CABP2: variants seen among roughly 807,000 people sequenced by gnomAD.
The protein encoded by CABP2 is calcium-binding protein 2.
In CABP2, 25 loss-of-function variants were observed where a neutral mutation model predicts 28.6. That is an observed-to-expected ratio of 0.87 (90% CI 0.64 to 1.22). The LOEUF is 1.22. Among genes scored for constraint, CABP2 ranks in the 50% most tolerant of loss-of-function variants. The pLI, the probability that CABP2 is intolerant of heterozygous loss-of-function variation, is 0.00. For synonymous variants in CABP2, 138 were observed against 126.0 expected, an observed-to-expected ratio of 1.09 and a Z score of -0.64; for missense variants, 310 against 312.2, an observed-to-expected ratio of 0.99 and a Z score of 0.05.
In CABP2 at chr11:67,523,409, C is replaced by T. The variant is rs1178541507; in HGVS notation, c.-83G>A. The T allele has an allele frequency of 1.8e-5, 26 of 1,451,360 alleles. No homozygotes were observed. The highest frequency in any genetic ancestry group is 9.1e-7 in the Non-Finnish European group (1 of 1,096,402). The allele number at this position is 1,451,360 out of a possible 1,614,324, so 89.9% of individuals were successfully genotyped here. On this transcript the variant is annotated 5_prime_UTR_variant, in exon 1 of 7. Coordinates refer to ENST00000294288, the MANE Select transcript of CABP2 (RefSeq NM_016366.3). ...GATGCTGCTGCCTGAGGACTCCTGC[C>T]AGCCCCCAGCTGCTCCCGATGAGAG...
In CABP2 at chr11:67,523,185, C is replaced by T. The variant is rs1026786602; in HGVS notation, c.42+100G>A. On this transcript the variant is annotated intron_variant, in intron 1 of 6. Transcript: ENST00000294288. Reference sequence around the variant, plus strand: ...TCTCCACCTGGGGCAGTGGGCAGCCCCCAACCCCGCCCGGCCCTCGGAGGG... The same window carrying T: ...TCTCCACCTGGGGCAGTGGGCAGCCTCCAACCCCGCCCGGCCCTCGGAGGG... 5 of 972,808 alleles carry T rather than the reference C, an allele frequency of 5.1e-6. No homozygotes were observed. The African/African-American group carries it at 6.7e-5, about 13-fold the overall frequency. The allele number at this position is 972,808 out of a possible 1,614,324, so 60.3% of individuals were successfully genotyped here.
At position 67,519,946 on chromosome 11, in the gene CABP2, G is replaced by C; in HGVS notation, c.490-6C>G. 1.2e-6 allele frequency: 2 copies of C among 1,604,310 alleles called. No individual in the cohort carries two copies. The highest frequency in any genetic ancestry group is 1.7e-6 in the Non-Finnish European group (2 of 1,177,106). ...CCGTCCCCATTGGTGTCGAACTGTG[G>C]CGGCGTTGGTTGTGGCGTCTGGTCA... On this transcript the variant is annotated splice_polypyrimidine_tract_variant and splice_region_variant and intron_variant, in intron 5 of 6. Coordinates refer to ENST00000294288, the MANE Select transcript of CABP2 (RefSeq NM_016366.3).
In CABP2 at chr11:67,519,138, C is replaced by T. The variant is rs745492161; in HGVS notation, c.*1G>A. 1 of 1,613,794 alleles carries T rather than the reference C, an allele frequency of 6.2e-7. No homozygotes were observed. The highest frequency in any genetic ancestry group is 8.5e-7 in the Non-Finnish European group (1 of 1,179,924). On this transcript the variant is annotated 3_prime_UTR_variant, in exon 7 of 7. Coordinates refer to ENST00000294288, the MANE Select transcript of CABP2 (RefSeq NM_016366.3). The stretch of plus-strand genomic sequence containing the variant: ...ATGCTGCCTCCAGCTTCTGTACAGG[C>T]TCACCGAGACATCATTCGCACAAAC...
chr11:67,520,264 C>T (rs1369785095), intron 4 of CABP2, 104 bp from the exon 5 acceptor site: 5 of 704,030 alleles, frequency 7.1e-6, no homozygotes, highest in Non-Finnish European at 7.5e-6. Flanking sequence ...GGATCCTTTC[C>T]TCCCTCTGCG....
intron 3 of CABP2, 32 bp from the exon 4 acceptor site, chr11:67,521,191 C>G (rs780879350): frequency 1.2e-6 from 2 of 1,603,272 alleles, no homozygotes; most frequent in Non-Finnish European, 1.7e-6. Context: ...GTCCTTCCCC[C>G]ACAACCCCCT....
At chr11:67,522,052 G>T in intron 2 of CABP2, 70 bp from the exon 3 acceptor site, 6 of 1,426,970 alleles carry the variant, frequency 4.2e-6, no homozygotes, top group Non-Finnish European at 4.9e-6. Context: ...CTTGCTTCCC[G>T]GGGCTCCCCA....
At position 67,520,045 on chromosome 11, in the gene CABP2, C is replaced by G. The variant is rs1157430352; in HGVS notation, c.489+6G>C. The G allele has an allele frequency of 1.2e-6, 2 of 1,610,704 alleles. No individual in the cohort carries two copies. The highest frequency in any genetic ancestry group is 1.7e-6 in the Non-Finnish European group (2 of 1,179,236). On this transcript the variant is annotated splice_donor_region_variant and intron_variant, in intron 5 of 6. Transcript: ENST00000294288. ...CCCTGCCCGCCCTCAGCCCCAGTGG[C>G]CGCACCTCCCGGAAGGCGTCCCGTA...
chr11:67,521,868 A>AT, intron 3 of CABP2, 84 bp downstream of exon 3: 15 of 374,264 alleles, frequency 4.0e-5, no homozygotes, highest in Non-Finnish European at 4.3e-5. Flanking sequence ...CCCCCACCCG[A>AT]TGCCCCCCCA....
At chr11:67,520,762 A>G (rs1438219222) in intron 4 of CABP2, among the ~76,000 whole-genome samples, 3 of 152,246 alleles carry the variant, frequency 2.0e-5, no homozygotes, top group African/African-American at 7.2e-5. Context: ...CCTGGCTCCA[A>G]GGAACTTGCT....
At position 67,519,019 on chromosome 11, in the gene CABP2, C is replaced by T. The variant is rs1045021652; in HGVS notation, c.*120G>A. On this transcript the variant is annotated 3_prime_UTR_variant, in exon 7 of 7. Coordinates refer to ENST00000294288, the MANE Select transcript of CABP2 (RefSeq NM_016366.3). ...TGAAGGCAGGCAAGGGCACTGCACA[C>T]AGGTGGGATGGGGAGGAAAGGAGGG... 1 of 1,070,994 alleles carries T rather than the reference C, an allele frequency of 9.3e-7. No homozygotes were observed. The highest frequency in any genetic ancestry group is 1.6e-5 in the African/African-American group (1 of 63,844). The allele number at this position is 1,070,994 out of a possible 1,614,324, so 66.3% of individuals were successfully genotyped here. A position where few individuals can be genotyped will look rare whatever the true frequency, so the allele number is the denominator to read the frequency against.
rs369233041 is a variant in CABP2, at chr11:67,520,140, C to A, written c.400G>T (p.Glu134Ter). Residue 134 changes from glutamate (E) to a stop codon, truncating the protein, a stop_gained, in exon 5 of 7, where the codon GAA becomes TAA. Transcript: ENST00000294288. LOFTEE classifies it high-confidence loss of function. ...GGGCCCATCAGCTCCACGAAGTCTT[C>A]AAAGTCCACCTTTCCGCCACCTGGG... Reference protein sequence around the residue: ...QQISGGKVDFEDFVELMGPKL... With the variant: ...QQISGGKVDF 3.7e-6 allele frequency: 6 copies of A among 1,613,744 alleles called. No homozygotes were observed. The highest frequency in any genetic ancestry group is 5.1e-6 in the Non-Finnish European group (6 of 1,179,834).
At chr11:67,519,766 T>C (rs755693591) in intron 6 of CABP2, 27 bp downstream of exon 6, 1 of 1,610,090 alleles carries the variant, frequency 6.2e-7, no homozygotes, top group East Asian at 2.2e-5. Flanking sequence ...TTCCAGGGCG[T>C]GTGTTGCTAT....
chr11:67,522,012 C>T lies in CABP2; in HGVS notation c.214-30G>A, dbSNP rs769182345. ...AGGGCACAGAGGGGTTAGGAATTCCCTGCTCCTACTGATGACTGTGCCCTT... is the reference window on the plus strand; with the variant it reads ...AGGGCACAGAGGGGTTAGGAATTCCTTGCTCCTACTGATGACTGTGCCCTT... On this transcript the variant is annotated intron_variant, in intron 2 of 6. Coordinates refer to ENST00000294288, the MANE Select transcript of CABP2 (RefSeq NM_016366.3). 3.7e-6 allele frequency: 6 copies of T among 1,604,418 alleles called. No individual in the cohort carries two copies. The Admixed American group carries it at 6.7e-5, about 18-fold the overall frequency.
chr11:67,521,832 C>T, intron 3 of CABP2, 120 bp downstream of exon 3: 1 of 911,406 alleles, frequency 1.1e-6, no homozygotes. Flanking sequence ...CCTTCTTGCT[C>T]CCACTTCCTC....
Position 67,522,687 on chromosome 11 carries a change from T to C in CABP2, c.72A>G (p.Pro24=), listed in dbSNP as rs906118335. ...KDPLQWLGSP[P]RGSCPSPSSS... ...AGCTGGGGCTGGGGCAGGAGCCCCTTGGTGGGGAGCCGAGCCACTGCAAGG... is the reference window on the plus strand; with the variant it reads ...AGCTGGGGCTGGGGCAGGAGCCCCTCGGTGGGGAGCCGAGCCACTGCAAGG... Residue 24 remains proline, a synonymous_variant, in exon 2 of 7, where the codon CCA becomes CCG. Transcript: ENST00000294288. The C allele has an allele frequency of 5.9e-6, 9 of 1,521,148 alleles. No individual in the cohort carries two copies. Among genetic ancestry groups the C allele is most frequent in the African/African-American group, 2.8e-5 (2 of 72,466 alleles). 94.2% of individuals were successfully genotyped at this position (1,521,148 alleles called of 1,614,324 possible).
intron 4 of CABP2, 24 bp downstream of exon 4, chr11:67,521,001 T>A (rs761955590): frequency 6.2e-7 from 1 of 1,606,078 alleles, no homozygotes; most frequent in Admixed American, 1.7e-5. Flanking sequence ...GGACTGGGGA[T>A]GGGGATGGGT....
Position 67,520,428 on chromosome 11 carries a change from C to T in CABP2, c.380-268G>A, listed in dbSNP as rs531016208. Among the ~76,000 whole-genome samples the T allele has an allele frequency of 2.5e-3, 374 of 152,170 alleles. 3 individuals are homozygous for T. The highest frequency in any genetic ancestry group is 8.7e-3 in the African/African-American group (361 of 41,508). On this transcript the variant is annotated intron_variant, in intron 4 of 6. Coordinates refer to ENST00000294288, the MANE Select transcript of CABP2 (RefSeq NM_016366.3). ...ATGCCAGCACTTTGGGAGGCTGAGG[C>T]GGGTGGATCACCTGAGGTCAGGAGT...
chr11:67,519,002 G>A lies in CABP2; in HGVS notation c.*137C>T. ...AGAAGTGGTGGTGGGGGTGAAGGCA[G>A]GCAAGGGCACTGCACACAGGTGGGA... On this transcript the variant is annotated 3_prime_UTR_variant, in exon 7 of 7. Transcript: ENST00000294288. 4 of 857,494 alleles carry A rather than the reference G, an allele frequency of 4.7e-6. No homozygotes were observed. The South Asian group carries it at 5.9e-5, about 13-fold the overall frequency. 53.1% of individuals were successfully genotyped at this position (857,494 alleles called of 1,614,324 possible).
At chr11:67,521,305 C>T in intron 3 of CABP2, 146 bp from the exon 4 acceptor site, 1 of 792,606 alleles carries the variant, frequency 1.3e-6, no homozygotes, top group Non-Finnish European at 2.0e-6. Context: ...CGTGCTGTTC[C>T]TGTTATTTGT....
Sources: allele counts gnomAD v4.1 joint callset (sites outside exome capture counted in the v4.1 genomes callset), GRCh38; gene constraint gnomAD v4.1.1; transcripts MANE v1.5; gene names NCBI Gene and HGNC (gene_info 2026-07-23, HGNC 2026-07-21).